Variants in RTBDN observed in about 807,000 individuals in gnomAD.
RTBDN encodes the protein retbindin.
A neutral mutation model predicts 21.9 loss-of-function variants in RTBDN; 24 were observed. The ratio of observed to expected loss-of-function variants is 1.10; its 90% CI spans 0.79 to 1.54. RTBDN has a LOEUF of 1.54. RTBDN is among the 40% of genes most tolerant of loss of function. RTBDN has a pLI of 0.00. For synonymous variants in RTBDN, 141 were observed against 125.9 expected (o/e 1.12, Z -0.80); for missense variants, 325 against 315.2 (o/e 1.03, Z -0.23).
rs762089247 is a variant in RTBDN, at chr19:12,825,756, G to C, written c.640C>G (p.Leu214Val). Reference sequence around the variant, plus strand: ...CCACTCCCGCTGCCCGCAGCGTCCAGGATGGAGGTGCGAGGGCTGCGGGAA... The same window carrying C: ...CCACTCCCGCTGCCCGCAGCGTCCACGATGGAGGTGCGAGGGCTGCGGGAA... ...RRSRSPRTSI[L>V]DAAGSGSGSG... The change falls in exon 6 of 6, where the codon CTG becomes GTG. Residue 214 changes from leucine to valine, a missense_variant. Transcript: ENST00000674343. 2 of 1,608,324 alleles carry C rather than the reference G, an allele frequency of 1.2e-6. No individual in the cohort carries two copies. The highest frequency in any genetic ancestry group is 1.7e-6 in the Non-Finnish European group (2 of 1,177,644).
In RTBDN at chr19:12,828,693, T is replaced by C. The variant is rs200632219; in HGVS notation, c.329A>G (p.Gln110Arg). ...GAGCTCCTCGCAGAGCGGCTGTGCC[T>C]GGCGTACCCCCAATAGCCGCAGGCG... ...RFRLRLLGVRQAQPLCEELCQ... is the reference protein window; with the variant it reads ...RFRLRLLGVRRAQPLCEELCQ... The change falls in exon 4 of 6, where the codon CAG (glutamine) becomes CGG (arginine). Residue 110 changes from glutamine (Q) to arginine (R), a missense_variant. By Grantham distance (43) the Gln-to-Arg change is conservative. Coordinates refer to ENST00000674343, the MANE Select transcript of RTBDN (RefSeq NM_001270441.2). The C allele has an allele frequency of 2.7e-5, 43 of 1,614,142 alleles. No individual in the cohort carries two copies. The Admixed American group carries it at 5.3e-4, about 20-fold the overall frequency.
upstream of RTBDN, chr19:12,835,200 TC>T (rs1599570587): frequency 1.8e-5 from 21 of 1,163,810 alleles, no homozygotes; most frequent in East Asian, 5.0e-4. Context: ...GGAAGGACCT[TC>T]CAGGCGTCTG....
chr19:12,828,237 A>C (rs1413278135), intron 4 of RTBDN, among the ~76,000 whole-genome samples: 1 of 152,056 alleles, frequency 6.6e-6, no homozygotes, highest in Non-Finnish European at 1.5e-5. Context: ...CTCTACTAAA[A>C]ATACAAAAAT....
At position 12,828,253 on chromosome 19, in the gene RTBDN, G is replaced by A. The variant is rs374147541; in HGVS notation, c.365+404C>T. On this transcript the variant is annotated intron_variant, in intron 4 of 5. Transcript: ENST00000674343. ...TCTACTAAAAATACAAAAATTAGCC[G>A]GGCATGGTGGTGTGCGCCTGTAACC... Among the ~76,000 whole-genome samples, 5 of 152,022 alleles carry A rather than the reference G, an allele frequency of 3.3e-5. No homozygotes were observed. The South Asian group carries it at 6.2e-4, about 19-fold the overall frequency.
Position 12,834,101 on chromosome 19 carries a change from C to T in RTBDN, c.-19+388G>A, listed in dbSNP as rs928825735. ...CGGGAGAACTTGCACTAGGGTCAGC[C>T]GGGACGCCCCCACCCATAGGTTCGG... On this transcript the variant is annotated intron_variant, in intron 1 of 5. Transcript: ENST00000674343. This position sits in a 1 kb window ranked among gnomAD's most constrained non-coding sequence, Gnocchi z 4.7. 3 of 399,228 alleles carry T rather than the reference C, an allele frequency of 7.5e-6. No individual in the cohort carries two copies. The highest frequency in any genetic ancestry group is 1.3e-5 in the Non-Finnish European group (3 of 226,440). The allele number at this position is 399,228 out of a possible 1,614,324, so 24.7% of individuals were successfully genotyped here. A position where few individuals can be genotyped will look rare whatever the true frequency, so the allele number is the denominator to read the frequency against.
chr19:12,827,627 T>A (rs955356961), intron 4 of RTBDN, among the ~76,000 whole-genome samples: 1 of 151,906 alleles, frequency 6.6e-6, no homozygotes, highest in African/African-American at 2.4e-5. Context: ...CCGGCCCATG[T>A]CTAATTAATT....
intron 4 of RTBDN, among the ~76,000 whole-genome samples, chr19:12,828,295 G>A (rs1268620739): frequency 2.0e-5 from 3 of 151,404 alleles, no homozygotes; most frequent in African/African-American, 7.3e-5. Flanking sequence ...ACTCAGGAGG[G>A]TGAGGCAGGA....
rs550909877 is a variant in RTBDN at position 12,828,932 on chromosome 19, A to G, written c.191T>C (p.Met64Thr). Residue 64 changes from methionine (M) to threonine (T), a missense_variant, in exon 3 of 6, where the codon ATG becomes ACG. By Grantham distance (81) the Met-to-Thr change is moderately conservative. Coordinates refer to ENST00000674343, the MANE Select transcript of RTBDN (RefSeq NM_001270441.2). Reference sequence around the variant, plus strand: ...AGGGCCCGATGTCTCTGTTGTGTCCATCTCTGAGGGACAACAAGGTCCTGG... The same window carrying G: ...AGGGCCCGATGTCTCTGTTGTGTCCGTCTCTGAGGGACAACAAGGTCCTGG... ...HLAGPCCPSEMDTTETSGPGN... is the reference protein window; with the variant it reads ...HLAGPCCPSETDTTETSGPGN... 6 of 1,613,982 alleles carry G rather than the reference A, an allele frequency of 3.7e-6. No homozygotes were observed. The highest frequency in any genetic ancestry group is 4.2e-6 in the Non-Finnish European group (5 of 1,179,992).
Position 12,830,045 on chromosome 19 carries a change from G to A in RTBDN, c.-18-48C>T, listed in dbSNP as rs1274465692. The A allele has an allele frequency of 1.2e-5, 19 of 1,567,992 alleles. No homozygotes were observed. Among genetic ancestry groups the A allele is most frequent in the Non-Finnish European group, 1.6e-5 (18 of 1,148,286 alleles). ...CAGCCATCCCTTTCTGTGAGCTTAGGGTGGCACCCACCCAGTGCATACCCA... is the reference window on the plus strand; with the variant it reads ...CAGCCATCCCTTTCTGTGAGCTTAGAGTGGCACCCACCCAGTGCATACCCA... On this transcript the variant is annotated intron_variant, in intron 1 of 5. Coordinates refer to ENST00000674343, the MANE Select transcript of RTBDN (RefSeq NM_001270441.2). The surrounding 1 kb of genome is among the most constrained non-coding windows in gnomAD (Gnocchi z 4.2).
chr19:12,826,677 AG>A (rs1200042293), intron 5 of RTBDN, 97 bp downstream of exon 5: 16 of 943,016 alleles, frequency 1.7e-5, no homozygotes, highest in Non-Finnish European at 2.6e-5. Flanking sequence ...CTGGGTGACA[AG>A]AATGAAACTC....
Position 12,834,411 on chromosome 19 carries a change from G to A in RTBDN, c.-19+78C>T. 1 of 1,160,974 alleles carries A rather than the reference G, an allele frequency of 8.6e-7. No homozygotes were observed. Among genetic ancestry groups the A allele is most frequent in the Non-Finnish European group, 1.2e-6 (1 of 810,662 alleles). 71.9% of individuals were successfully genotyped at this position (1,160,974 alleles called of 1,614,324 possible). On this transcript the variant is annotated intron_variant, in intron 1 of 5. Coordinates refer to ENST00000674343, the MANE Select transcript of RTBDN (RefSeq NM_001270441.2). This position sits in a 1 kb window ranked among gnomAD's most constrained non-coding sequence, Gnocchi z 4.7. ...TCGGCGCCGCTGGAGGCGTAAACAT[G>A]TTTGTGCGGCAACCTCGCCCCTCAC...
In RTBDN at chr19:12,830,200, C is replaced by A; in HGVS notation, c.-18-203G>T. ...CTAGGAGCCCCCCTCCCATCAGAACCATGTCCTCTATGTCCCTTCAGTGCC... is the reference window on the plus strand; with the variant it reads ...CTAGGAGCCCCCCTCCCATCAGAACAATGTCCTCTATGTCCCTTCAGTGCC... On this transcript the variant is annotated intron_variant, in intron 1 of 5. Coordinates refer to ENST00000674343, the MANE Select transcript of RTBDN (RefSeq NM_001270441.2). The surrounding 1 kb of genome is among the most constrained non-coding windows in gnomAD (Gnocchi z 4.2). 7.4e-7 allele frequency: 1 copy of A among 1,352,744 alleles called. No individual in the cohort carries two copies. The highest frequency in any genetic ancestry group is 9.6e-7 in the Non-Finnish European group (1 of 1,041,142). The allele number at this position is 1,352,744 out of a possible 1,614,324, so 83.8% of individuals were successfully genotyped here.
At chr19:12,832,585 C>G (rs1261786392) in intron 1 of RTBDN, 2 of 152,256 alleles carry the variant, frequency 1.3e-5, no homozygotes, top group Non-Finnish European at 2.9e-5. Context: ...GAGACCAGCA[C>G]CAAGGAGAGC....
At chr19:12,831,012 G>A (rs1193436046) in intron 1 of RTBDN, among the ~76,000 whole-genome samples, 1 of 117,466 alleles carries the variant, frequency 8.5e-6, no homozygotes, top group African/African-American at 3.6e-5. Context: ...TCTTGGTGGA[G>A]TGGTTGTGTG....
chr19:12,830,118 T>C lies in RTBDN; in HGVS notation c.-18-121A>G, dbSNP rs1440303565. On this transcript the variant is annotated intron_variant, in intron 1 of 5. Transcript: ENST00000674343. The surrounding 1 kb of genome is among the most constrained non-coding windows in gnomAD (Gnocchi z 4.2). ...GGGAAAGTGCAGCTGAGGAGGAGGC[T>C]GGGGCAGTGGCCAAGGACGTTCAAA... The C allele has an allele frequency of 5.3e-6, 7 of 1,321,292 alleles. No individual in the cohort carries two copies. The highest frequency in any genetic ancestry group is 7.1e-6 in the Non-Finnish European group (7 of 981,948). 81.8% of individuals were successfully genotyped at this position (1,321,292 alleles called of 1,614,324 possible). A position where few individuals can be genotyped will look rare whatever the true frequency, so the allele number is the denominator to read the frequency against.
At position 12,825,777 on chromosome 19, in the gene RTBDN, G is replaced by C. The variant is rs752403593; in HGVS notation, c.619C>G (p.Arg207Gly). The C allele has an allele frequency of 6.2e-7, 1 of 1,610,428 alleles. No homozygotes were observed. Among genetic ancestry groups the C allele is most frequent in the Non-Finnish European group, 8.5e-7 (1 of 1,178,046 alleles). ...RGREAPSRRSRSPRTSILDAA... is the reference protein window; with the variant it reads ...RGREAPSRRSGSPRTSILDAA... ...TCCAGGATGGAGGTGCGAGGGCTGC[G>C]GGAACGCCGGGAGGGAGCTTCCCGG... Residue 207 changes from arginine to glycine, a missense_variant, in exon 6 of 6, where the codon CGC becomes GGC. By Grantham distance (125) the Arg-to-Gly change is moderately radical (BLOSUM62 -2). Coordinates refer to ENST00000674343, the MANE Select transcript of RTBDN (RefSeq NM_001270441.2).
intron 5 of RTBDN, chr19:12,826,153 G>T (rs1454326858): frequency 2.2e-6 from 3 of 1,380,352 alleles, no homozygotes; most frequent in African/African-American, 1.5e-5. Context: ...TGGGGCAGTT[G>T]GGGGGCGCGC....
upstream of RTBDN, chr19:12,835,367 G>A: frequency 2.0e-6 from 1 of 498,370 alleles, no homozygotes; most frequent in South Asian, 2.7e-5. Context: ...AAGGGAGGCA[G>A]CTGCGGCAAA....
intron 5 of RTBDN, chr19:12,826,276 T>C: frequency 8.1e-7 from 1 of 1,234,338 alleles, no homozygotes; most frequent in East Asian, 5.0e-5. Flanking sequence ...GAAGGGCAAA[T>C]CTGGACTTCG....
Sources: allele counts gnomAD v4.1 joint callset (sites outside exome capture counted in the v4.1 genomes callset), GRCh38; gene constraint gnomAD v4.1.1; non-coding constraint Gnocchi (gnomAD v3.1); transcripts MANE v1.5; gene names NCBI Gene and HGNC (gene_info 2026-07-23, HGNC 2026-07-21).